AIFM1: variants seen among roughly 807,000 people sequenced by gnomAD.
The protein encoded by AIFM1 is apoptosis-inducing factor 1, mitochondrial.
Under a neutral mutation model 51.7 loss-of-function variants are expected in AIFM1, and 3 were observed. The observed-to-expected ratio is 0.06, with a 90% CI of 0.03 to 0.15. AIFM1 has a LOEUF of 0.15. Ranked by LOEUF, AIFM1 falls within the 10% of genes least tolerant of loss-of-function variation. AIFM1 has a pLI of 1.00. For synonymous variants in AIFM1, 178 were observed against 179.4 expected, an observed-to-expected ratio of 0.99 and a Z score of 0.06; for missense variants, 330 against 476.8, an observed-to-expected ratio of 0.69 and a Z score of 2.87.
chrX:130,135,705 G>A (rs1374949795), intron 12 of AIFM1, among the ~76,000 whole-genome samples: 2 of 111,561 alleles, frequency 1.8e-5, no homozygotes, highest in Non-Finnish European at 3.8e-5. Context: ...TCCATCCTCC[G>A]GATTCAAGTT....
chrX:130,165,288 G>T lies in AIFM1; in HGVS notation c.106+263C>A, dbSNP rs1047309973. On this transcript the variant is annotated intron_variant, in intron 1 of 15. Transcript: ENST00000287295. ...GCCGGGGAGGCGCCGACAGCCAGTT[G>T]TTCTGGGATCCCTGAACAGCAAACG... 1.1e-4 allele frequency among the ~76,000 whole-genome samples: 12 copies of T among 111,169 alleles called. No homozygotes were observed. In the East Asian group the frequency reaches 3.4e-3, roughly 32 times the overall value.
At chrX:130,163,836 G>A (rs2031434165) in intron 1 of AIFM1, among the ~76,000 whole-genome samples, 1 of 111,333 alleles carries the variant, frequency 9.0e-6, no homozygotes, top group African/African-American at 3.3e-5. Flanking sequence ...ACTACTCAAA[G>A]TTTGAAAGGC....
intron 5 of AIFM1, 68 bp from the exon 6 acceptor site, chrX:130,145,637 A>C: frequency 1.2e-6 from 1 of 859,364 alleles, no homozygotes; most frequent in South Asian, 2.1e-5. Context: ...CCGTAGCTTT[A>C]ATAAAACTGT....
chrX:130,140,549 C>A lies in AIFM1; in HGVS notation c.765G>T (p.Lys255Asn). 1 of 1,210,821 alleles carries A rather than the reference C, an allele frequency of 8.3e-7. No homozygotes were observed. Among genetic ancestry groups the A allele is most frequent in the Non-Finnish European group, 1.1e-6 (1 of 894,638 alleles). ...LNDGSQITYE[K>N]CLIATGGTPR... ...AATGCTCACCTGTTGCAATCAAGCA[C>A]TTTTCATAGGTTATTTGAGAGCCAT... is the stretch of plus-strand genomic sequence containing the variant. Residue 255 changes from lysine (K) to asparagine (N), a missense_variant, in exon 7 of 16, where the codon AAG (lysine) becomes AAT (asparagine). By Grantham distance (94) the Lys-to-Asn change is moderately conservative. Around this residue, in one of 4 missense-constraint regions of AIFM1, gnomAD observed 152 missense variants for 292.8 expected, o/e 0.52. Coordinates refer to ENST00000287295, the MANE Select transcript of AIFM1 (RefSeq NM_004208.4).
At chrX:130,154,091 T>G (rs748547617) in intron 2 of AIFM1, among the ~76,000 whole-genome samples, 1 of 112,591 alleles carries the variant, frequency 8.9e-6, no homozygotes, top group South Asian at 3.6e-4. Context: ...TCAATAACAG[T>G]TGTAGGTAGA....
In AIFM1 at chrX:130,140,604, T is replaced by G. The variant is rs1202786652; in HGVS notation, c.710A>C (p.Asp237Ala). ...AAGTTTCACCATGTTGTCTCTCACA[T>G]CCAGCTGTACTACCTGGTACAGTCA... ...VLTGKKVVQL[D>A]VRDNMVKLND... Residue 237 changes from aspartate to alanine, a missense_variant, in exon 7 of 16, where the codon GAT (aspartate) becomes GCT (alanine). Physicochemically the swap from Asp to Ala is moderately radical, Grantham distance 126. Coordinates refer to ENST00000287295, the MANE Select transcript of AIFM1 (RefSeq NM_004208.4). The G allele has an allele frequency of 1.2e-5, 14 of 1,206,737 alleles. No individual in the cohort carries two copies. The highest frequency in any genetic ancestry group is 1.3e-5 in the Non-Finnish European group (12 of 891,900).
intron 12 of AIFM1, among the ~76,000 whole-genome samples, chrX:130,133,788 T>G (rs1028276322): frequency 9.2e-6 from 1 of 109,054 alleles, no homozygotes; most frequent in African/African-American, 3.3e-5. Context: ...CCACCATGCC[T>G]GGCTAAATTT....
rs755572140 is a variant in AIFM1, at chrX:130,131,741, G to A, written c.1507C>T (p.Pro503Ser). Reference sequence around the variant, plus strand: ...GCTTTTGCAAAAACACCAACTGTGGGCAAACTACTGTCCACAAGACCAATA... The same window carrying A: ...GCTTTTGCAAAAACACCAACTGTGGACAAACTACTGTCCACAAGACCAATA... Reference protein sequence around the residue: ...EAIGLVDSSLPTVGVFAKATA... With the variant: ...EAIGLVDSSLSTVGVFAKATA... Residue 503 changes from proline (P) to serine (S), a missense_variant, in exon 14 of 16, where the codon CCC becomes TCC. Pro to Ser is a moderately conservative substitution (Grantham distance 74, BLOSUM62 -1). This residue lies in a region of AIFM1 where 152 missense variants were observed against 292.8 expected (regional missense o/e 0.52). Coordinates refer to ENST00000287295, the MANE Select transcript of AIFM1 (RefSeq NM_004208.4). The A allele has an allele frequency of 1.7e-6, 2 of 1,210,089 alleles. No homozygotes were observed. Among genetic ancestry groups the A allele is most frequent in the African/African-American group, 3.5e-5 (2 of 57,365 alleles).
chrX:130,152,651 G>T (rs2031023275), intron 2 of AIFM1, among the ~76,000 whole-genome samples: 1 of 111,967 alleles, frequency 8.9e-6, no homozygotes, highest in Non-Finnish European at 1.9e-5. Context: ...AGGCCACTTT[G>T]GCTCTGCCCA....
chrX:130,145,693 C>G, intron 5 of AIFM1, 124 bp from the exon 6 acceptor site: 2 of 534,343 alleles, frequency 3.7e-6, no homozygotes, highest in Non-Finnish European at 6.4e-6. Context: ...AGTAAGTCTC[C>G]AAGTCTATTA....
intron 2 of AIFM1, 137 bp from the exon 3 acceptor site, chrX:130,149,705 G>A (rs1052724232): frequency 1.8e-5 from 9 of 502,776 alleles, no homozygotes; most frequent in Non-Finnish European, 2.7e-5. Context: ...CTAAGACAAA[G>A]TTGTTTTCTT....
chrX:130,150,032 A>T (rs1381172870), intron 2 of AIFM1, among the ~76,000 whole-genome samples: 7 of 111,384 alleles, frequency 6.3e-5, no homozygotes, highest in African/African-American at 2.3e-4. Context: ...GGCTTTTGCT[A>T]AGTACTCACA....
At chrX:130,145,454 C>T (rs766216976) in intron 6 of AIFM1, 25 bp downstream of exon 6, 1 of 1,153,636 alleles carries the variant, frequency 8.7e-7, no homozygotes, top group Non-Finnish European at 1.2e-6. Context: ...TAGAGCCTGA[C>T]AAAAGAAGCG....
intron 6 of AIFM1, 50 bp downstream of exon 6, chrX:130,145,426 GGCT>G (rs1444908426): frequency 1.6e-5 from 15 of 924,056 alleles, no homozygotes; most frequent in Non-Finnish European, 2.2e-5. Flanking sequence ...TCACCATACT[GGCT>G]GGTGGGCAAG....
At chrX:130,163,137 C>T (rs2031405009) in intron 1 of AIFM1, among the ~76,000 whole-genome samples, 1 of 109,247 alleles carries the variant, frequency 9.2e-6, no homozygotes, top group South Asian at 4.0e-4. Context: ...GGTGAAACCC[C>T]GTCTCTACTA....
chrX:130,137,459 TACATA>T, intron 9 of AIFM1: 1 of 1,167,519 alleles, frequency 8.6e-7, no homozygotes, highest in South Asian at 1.9e-5. Flanking sequence ...ACCTAAGGCT[TACATA>T]AGTGCTTTGC....
intron 2 of AIFM1, chrX:130,155,024 T>C (rs2031117691): frequency 2.4e-6 from 2 of 844,767 alleles, no homozygotes; most frequent in African/African-American, 2.0e-5. Flanking sequence ...TGACTGACAA[T>C]GTCCCTTTAA....
At chrX:130,137,800 C>T (rs770058332) in intron 9 of AIFM1, 1 of 930,348 alleles carries the variant, frequency 1.1e-6, no homozygotes, top group African/African-American at 2.1e-5. Flanking sequence ...CAGTGACTCA[C>T]ACCTATAATC....
At chrX:130,162,005 G>A (rs2031369533) in intron 1 of AIFM1, among the ~76,000 whole-genome samples, 1 of 112,197 alleles carries the variant, frequency 8.9e-6, no homozygotes, top group Non-Finnish European at 1.9e-5. Context: ...TCTGATGAAA[G>A]ACACACAAGG....
Sources: gnomAD v4.1 joint callset for allele counts (sites outside exome capture counted in the v4.1 genomes callset) on GRCh38, gnomAD v4.1.1 for gene constraint, gnomAD v4.1.1 regional missense constraint, MANE v1.5 for transcripts, NCBI Gene and HGNC (gene_info 2026-07-23, HGNC 2026-07-21) for gene names.